The following SPTBN2 variants were observed in gnomAD, a reference collection of about 807,000 sequenced individuals.
SPTBN2 encodes the protein spectrin beta, non-erythrocytic 2.
In SPTBN2, 107 loss-of-function variants were observed where a neutral mutation model predicts 284.2. The ratio of observed to expected loss-of-function variants is 0.38; its 90% CI spans 0.32 to 0.44. The LOEUF is 0.44. Ranked by LOEUF, SPTBN2 falls within the 20% of genes least tolerant of loss-of-function variation. The probability of loss-of-function intolerance (pLI) is 1.00; values close to 1 mark genes in which losing one functional copy is unlikely to be tolerated. For synonymous variants in SPTBN2, 1,289 were observed against 1,354.8 expected (o/e 0.95, Z 1.07); for missense variants, 2,569 against 3,287.1 (o/e 0.78, Z 5.34).
intron 15 of SPTBN2, 101 bp downstream of exon 15, chr11:66,704,497 G>A (rs1943626077): frequency 1.5e-6 from 2 of 1,356,064 alleles, no homozygotes; most frequent in Non-Finnish European, 1.0e-6. Context: ...AAGACTCAAA[G>A]GGGTGAGGCA....
chr11:66,731,417 A>G (rs1395772208), upstream of SPTBN2, among the ~76,000 whole-genome samples: 1 of 152,224 alleles, frequency 6.6e-6, no homozygotes. Context: ...CAGTGAATCC[A>G]CATTTGCTGC....
chr11:66,686,294 A>G (rs777583782), intron 37 of SPTBN2, 104 bp downstream of exon 37: 88 of 1,524,802 alleles, frequency 5.8e-5, no homozygotes, highest in Middle Eastern at 3.4e-4. Context: ...CTTACCACAA[A>G]GGACAAGACC....
chr11:66,688,905 C>A, intron 30 of SPTBN2, 56 bp from the exon 31 acceptor site: 2 of 1,575,548 alleles, frequency 1.3e-6, no homozygotes, highest in Middle Eastern at 1.7e-4. Context: ...ACTGGCAGGG[C>A]ACAGTGGCCA....
rs764690665 is a variant in SPTBN2 at position 66,698,995 on chromosome 11, G to A, written c.3864C>T (p.His1288=). 2.1e-5 allele frequency: 34 copies of A among 1,614,052 alleles called. No homozygotes were observed. The highest frequency in any genetic ancestry group is 7.7e-5 in the South Asian group (7 of 91,084). Reference sequence around the variant, plus strand: ...CCGGGGCCCCAGGGAGCCTCACCTCGTGACAATCTTGCAGGAAATGCTGCT... The same window carrying A: ...CCGGGGCCCCAGGGAGCCTCACCTCATGACAATCTTGCAGGAAATGCTGCT... ...REQQHFLQDC[H]ELKLWIDEKM... The change falls in exon 19 of 38, where the codon CAC becomes CAT. Residue 1288 remains histidine, a synonymous_variant. Transcript: ENST00000533211.
intron 1 of SPTBN2, among the ~76,000 whole-genome samples, chr11:66,739,308 TGTACAC>T (rs1363917611): frequency 6.6e-6 from 1 of 152,228 alleles, no homozygotes; most frequent in African/African-American, 2.4e-5. Flanking sequence ...CTTTAAAGAC[TGTACAC>T]CTGTATCCCT....
chr11:66,695,511 C>G (rs1281862845), intron 21 of SPTBN2, among the ~76,000 whole-genome samples: 1 of 152,256 alleles, frequency 6.6e-6, no homozygotes, highest in Admixed American at 6.5e-5. Flanking sequence ...CCGGCCACCT[C>G]GGCCTCCCAA....
intron 15 of SPTBN2, among the ~76,000 whole-genome samples, chr11:66,701,936 C>T (rs112072358): frequency 1.3e-5 from 2 of 152,182 alleles, no homozygotes; most frequent in Non-Finnish European, 1.5e-5. Context: ...TAACTGTCAT[C>T]GCTAGAAATG....
chr11:66,741,868 C>A (rs1427966951), intron 1 of SPTBN2, among the ~76,000 whole-genome samples: 1 of 152,100 alleles, frequency 6.6e-6, no homozygotes, highest in African/African-American at 2.4e-5. Context: ...TGTCACTAAG[C>A]TGGAGTGCAG....
intron 37 of SPTBN2, 54 bp downstream of exon 37, chr11:66,686,343 CA>C (rs1357008953): frequency 6.2e-7 from 1 of 1,605,986 alleles, no homozygotes; most frequent in Non-Finnish European, 8.5e-7. Flanking sequence ...GGGGAGTCTG[CA>C]GCTGGAAGCT....
rs1458553022 is a variant in SPTBN2, at chr11:66,687,566, G to T, written c.6583C>A (p.Pro2195Thr). 6.2e-7 allele frequency: 1 copy of T among 1,612,070 alleles called. No homozygotes were observed. The highest frequency in any genetic ancestry group is 1.1e-5 in the South Asian group (1 of 91,072). Residue 2195 changes from proline (P) to threonine (T), a missense_variant, in exon 35 of 38, where the codon CCC becomes ACC. Around this residue, in one of 6 missense-constraint regions of SPTBN2, gnomAD observed 1,130 missense variants for 1,317.3 expected, o/e 0.86. Coordinates refer to ENST00000533211, the MANE Select transcript of SPTBN2 (RefSeq NM_006946.4). The surrounding 1 kb of genome is among the most constrained non-coding windows in gnomAD (Gnocchi z 5.2). ...RTRGPAPSAM[P>T]QSRSTESAHA... The stretch of plus-strand genomic sequence containing the variant: ...GCTGACTCGGTAGACCTGCTCTGGG[G>T]CATTGCAGATGGGGCCGGGCCCCGA...
At chr11:66,722,948 G>A (rs962819925) in intron 1 of SPTBN2, among the ~76,000 whole-genome samples, 5 of 151,190 alleles carry the variant, frequency 3.3e-5, no homozygotes, top group African/African-American at 4.9e-5. Context: ...TCACGCAGCC[G>A]GAAGAAACAG....
In SPTBN2 at chr11:66,692,627, C is replaced by T. The variant is rs141457344; in HGVS notation, c.5099G>A (p.Arg1700His). The T allele has an allele frequency of 2.1e-5, 34 of 1,606,074 alleles. No homozygotes were observed. The African/African-American group carries it at 3.1e-4, about 15-fold the overall frequency. Reference protein sequence around the residue: ...LQEHLRLCQLRRELDDLEQWI... With the variant: ...LQEHLRLCQLHRELDDLEQWI... ...CTGTTCCAGGTCATCCAGCTCGCGGCGGAGCTGGCACAGCCGGAGGTGCTC... is the reference window on the plus strand; with the variant it reads ...CTGTTCCAGGTCATCCAGCTCGCGGTGGAGCTGGCACAGCCGGAGGTGCTC... The change falls in exon 26 of 38, where the codon CGC (arginine) becomes CAC (histidine). Residue 1700 changes from arginine (R) to histidine (H), a missense_variant. Around this residue, in one of 6 missense-constraint regions of SPTBN2, gnomAD observed 1,130 missense variants for 1,317.3 expected, o/e 0.86. Transcript: ENST00000533211.
intron 21 of SPTBN2, 62 bp from the exon 22 acceptor site, chr11:66,694,425 G>C: frequency 6.5e-7 from 1 of 1,533,484 alleles, no homozygotes; most frequent in Non-Finnish European, 8.9e-7. Flanking sequence ...GCCCAGCAGA[G>C]ACACCAACCA....
rs1288870750 is a variant in SPTBN2, at chr11:66,690,347, G to T, written c.5566-64C>A. The T allele has an allele frequency of 1.5e-5, 22 of 1,486,490 alleles. No individual in the cohort carries two copies. In the Admixed American group the frequency reaches 4.5e-4, roughly 30 times the overall value. 92.1% of individuals were successfully genotyped at this position (1,486,490 alleles called of 1,614,324 possible). ...CTCCAAGGAGCCGCAGCCTGCCTCA[G>T]TCCTGGCTGCCACTCTCACCTCCTG... On this transcript the variant is annotated intron_variant, in intron 27 of 37. Transcript: ENST00000533211.
rs747785180 is a variant in SPTBN2 at position 66,694,373 on chromosome 11, G to A, written c.4279-10C>T. On this transcript the variant is annotated splice_polypyrimidine_tract_variant and intron_variant, in intron 21 of 37. Coordinates refer to ENST00000533211, the MANE Select transcript of SPTBN2 (RefSeq NM_006946.4). ...TCTCCCATTCCAGCATCTGCAAACC[G>A]CCAGGAGGAAGGACATGTTAGCTCT... 9.3e-6 allele frequency: 15 copies of A among 1,612,924 alleles called. No homozygotes were observed. The highest frequency in any genetic ancestry group is 3.3e-5 in the South Asian group (3 of 90,980).
In SPTBN2 at chr11:66,684,145, G is replaced by GGGCT. The variant is rs1037632344; in HGVS notation, c.*1722_*1725dup. ...GGCCCGCAGTCAATGACTAAAGATG[G>GGGCT]GGCTGCCTTCCTGGAAAAACGGTTG... On this transcript the variant is annotated 3_prime_UTR_variant, in exon 38 of 38. Coordinates refer to ENST00000533211, the MANE Select transcript of SPTBN2 (RefSeq NM_006946.4). 1.3e-5 allele frequency among the ~76,000 whole-genome samples: 2 copies of GGGCT among 152,186 alleles called. No homozygotes were observed. Among genetic ancestry groups the GGGCT allele is most frequent in the Non-Finnish European group, 2.9e-5 (2 of 68,034 alleles).
intron 20 of SPTBN2, among the ~76,000 whole-genome samples, chr11:66,696,871 A>T (rs188093443): frequency 2.0e-5 from 3 of 152,110 alleles, no homozygotes. Flanking sequence ...ATTTGCCATC[A>T]TTTTGTATTT....
chr11:66,728,289 C>T (rs1292681195), intron 1 of SPTBN2: 2 of 145,044 alleles, frequency 1.4e-5, no homozygotes, highest in East Asian at 2.0e-4. Flanking sequence ...GGGCGGCGGG[C>T]GGGCGCTGTC....
In SPTBN2 at chr11:66,687,591, A is replaced by T; in HGVS notation, c.6558T>A (p.Thr2186=). Residue 2186 remains threonine (T), a synonymous_variant, in exon 35 of 38, where the codon ACT becomes ACA. Transcript: ENST00000533211. This position sits in a 1 kb window ranked among gnomAD's most constrained non-coding sequence, Gnocchi z 5.2. ...GCATTGCAGATGGGGCCGGGCCCCG[A>T]GTCCGGGTCTGCCTCTCTCCCCGGG... is the stretch of plus-strand genomic sequence containing the variant. ...NGPRGERQTR[T]RGPAPSAMPQ... 1 of 1,610,112 alleles carries T rather than the reference A, an allele frequency of 6.2e-7. No individual in the cohort carries two copies. Among genetic ancestry groups the T allele is most frequent in the South Asian group, 1.1e-5 (1 of 91,006 alleles).
Sources: gnomAD v4.1 joint callset for allele counts (sites outside exome capture counted in the v4.1 genomes callset) on GRCh38, gnomAD v4.1.1 for gene constraint, gnomAD v4.1.1 regional missense constraint, Gnocchi (gnomAD v3.1) non-coding constraint, MANE v1.5 for transcripts, NCBI Gene and HGNC (gene_info 2026-07-23, HGNC 2026-07-21) for gene names.